Variants in ZNF512B observed in about 807,000 individuals in gnomAD.
The protein encoded by ZNF512B is zinc finger protein 512B.
A neutral mutation model predicts 87.8 loss-of-function variants in ZNF512B; 22 were observed. That is an observed-to-expected ratio of 0.25 (90% CI 0.18 to 0.36). ZNF512B has a LOEUF of 0.36. Among genes scored for constraint, ZNF512B ranks in the 10% least tolerant of loss-of-function variants. The probability of loss-of-function intolerance (pLI) is 1.00; values close to 1 mark genes in which losing one functional copy is unlikely to be tolerated. For synonymous variants in ZNF512B, 524 were observed against 490.9 expected (o/e 1.07, Z -0.89); for missense variants, 1,060 against 1,231.6 (o/e 0.86, Z 2.09).
In ZNF512B at chr20:63,962,731, A is replaced by G. The variant is rs2058867876; in HGVS notation, c.2019T>C (p.Gly673=). Reference sequence around the variant, plus strand: ...CACGCCCGCTTGGGGTCCGCTCCACACCCAGCGGGTCCTCAGCCTCAGGGG... The same window carrying G: ...CACGCCCGCTTGGGGTCCGCTCCACGCCCAGCGGGTCCTCAGCCTCAGGGG... ...DKSPEAEDPL[G]VERTPSGRVR... is the part of the protein sequence containing the mutation. Residue 673 remains glycine, a synonymous_variant, in exon 13 of 17, where the codon GGT becomes GGC. Coordinates refer to ENST00000369888, the MANE Select transcript of ZNF512B (RefSeq NM_020713.3). The G allele has an allele frequency of 6.2e-7, 1 of 1,603,150 alleles. No homozygotes were observed. The highest frequency in any genetic ancestry group is 1.1e-5 in the South Asian group (1 of 89,360).
intron 2 of ZNF512B, 24 bp from the exon 3 acceptor site, chr20:63,967,547 C>T (rs1007698700): frequency 1.3e-6 from 2 of 1,572,646 alleles, no homozygotes; most frequent in African/African-American, 1.4e-5. Flanking sequence ...CACAGCAAGG[C>T]TCGGAAGCTG....
rs1283071001 is a variant in ZNF512B at position 63,961,593 on chromosome 20, G to C, written c.2329-186C>G. Reference sequence around the variant, plus strand: ...GGGGTGGTAGGGGAGAGGAAGGGTAGGGAGAGGCAGGTGCCCAGGGGAAGA... The same window carrying C: ...GGGGTGGTAGGGGAGAGGAAGGGTACGGAGAGGCAGGTGCCCAGGGGAAGA... On this transcript the variant is annotated intron_variant, in intron 15 of 16. Coordinates refer to ENST00000369888, the MANE Select transcript of ZNF512B (RefSeq NM_020713.3). The surrounding 1 kb of genome is among the most constrained non-coding windows in gnomAD (Gnocchi z 6.4). Among the ~76,000 whole-genome samples, 1 of 152,206 alleles carries C rather than the reference G, an allele frequency of 6.6e-6. No homozygotes were observed. The highest frequency in any genetic ancestry group is 2.4e-5 in the African/African-American group (1 of 41,442).
chr20:63,963,446 G>C lies in ZNF512B; in HGVS notation c.1699-6C>G. The C allele has an allele frequency of 6.5e-7, 1 of 1,547,298 alleles. No individual in the cohort carries two copies. Among genetic ancestry groups the C allele is most frequent in the Non-Finnish European group, 8.7e-7 (1 of 1,150,724 alleles). On this transcript the variant is annotated splice_polypyrimidine_tract_variant and splice_region_variant and intron_variant, in intron 10 of 16. Transcript: ENST00000369888. ...GAGGCCTCGGCGTCAGAGGGCTGGG[G>C]ACAGGGTGAGCATCGGTGACCCGGC...
chr20:63,968,392 AG>A (rs1489499247), intron 1 of ZNF512B, among the ~76,000 whole-genome samples: 1 of 152,206 alleles, frequency 6.6e-6, no homozygotes, highest in Non-Finnish European at 1.5e-5. Context: ...ACATTCCTCC[AG>A]GGGCCAATTA....
At position 63,962,292 on chromosome 20, in the gene ZNF512B, T is replaced by C; in HGVS notation, c.2246A>G (p.His749Arg). 3 of 1,612,218 alleles carry C rather than the reference T, an allele frequency of 1.9e-6. No homozygotes were observed. The highest frequency in any genetic ancestry group is 2.5e-6 in the Non-Finnish European group (3 of 1,179,902). Reference protein sequence around the residue: ...AWKNEVKEKGHVNCPNDCCEA... With the variant: ...AWKNEVKEKGRVNCPNDCCEA... The stretch of plus-strand genomic sequence containing the variant: ...GCTCACGTCGTTGGGACAGTTGACG[T>C]GGCCTTTCTCCTTCACTTCATTCTT... Residue 749 changes from histidine (H) to arginine (R), a missense_variant, in exon 14 of 17, where the codon CAC becomes CGC. Around this residue, in one of 9 missense-constraint regions of ZNF512B, gnomAD observed 253 missense variants for 259.2 expected, o/e 0.98. Coordinates refer to ENST00000369888, the MANE Select transcript of ZNF512B (RefSeq NM_020713.3).
rs996157000 is a variant in ZNF512B, at chr20:63,959,663, T to C, written c.*225A>G. On this transcript the variant is annotated 3_prime_UTR_variant, in exon 17 of 17. Coordinates refer to ENST00000369888, the MANE Select transcript of ZNF512B (RefSeq NM_020713.3). ...GCAACCCTCCTGGCTATTGCACTTCTGCTGGGCACACCTTGGGGAGCCCCA... is the reference window on the plus strand; with the variant it reads ...GCAACCCTCCTGGCTATTGCACTTCCGCTGGGCACACCTTGGGGAGCCCCA... The C allele has an allele frequency of 5.0e-6, 3 of 601,994 alleles. No individual in the cohort carries two copies. The Admixed American group carries it at 1.0e-4, about 21-fold the overall frequency. 37.3% of individuals were successfully genotyped at this position (601,994 alleles called of 1,614,324 possible).
intron 16 of ZNF512B, 72 bp from the exon 17 acceptor site, chr20:63,960,211 G>A: frequency 6.3e-7 from 1 of 1,580,858 alleles, no homozygotes. Flanking sequence ...TAGCCTGAGA[G>A]CTGAAGACCT....
chr20:63,963,140 G>C lies in ZNF512B; in HGVS notation c.1923C>G (p.Ser641=). 6.4e-7 allele frequency: 1 copy of C among 1,554,682 alleles called. No homozygotes were observed. The highest frequency in any genetic ancestry group is 8.6e-7 in the Non-Finnish European group (1 of 1,156,776). The change falls in exon 12 of 17, where the codon TCC becomes TCG. Residue 641 remains serine (S), a synonymous_variant. Coordinates refer to ENST00000369888, the MANE Select transcript of ZNF512B (RefSeq NM_020713.3). ...PCTHCGKTYR[S]KAGHDYHVRS... is the part of the protein sequence containing the mutation. ...GCACGTGGTAGTCGTGGCCAGCCTTGGATCGGTACGTCTTGCCACAGTGGG... is the reference window on the plus strand; with the variant it reads ...GCACGTGGTAGTCGTGGCCAGCCTTCGATCGGTACGTCTTGCCACAGTGGG...
rs1379865049 is a variant in ZNF512B at position 63,962,874 on chromosome 20, A to G, written c.1969-93T>C. ...AGGCCACCCTAAGGCCGGTGGACCCACAGGCCTCCCAGTGTGCTGGGGACA... is the reference window on the plus strand; with the variant it reads ...AGGCCACCCTAAGGCCGGTGGACCCGCAGGCCTCCCAGTGTGCTGGGGACA... On this transcript the variant is annotated intron_variant, in intron 12 of 16. Transcript: ENST00000369888. The G allele has an allele frequency of 2.9e-6, 4 of 1,359,384 alleles. No individual in the cohort carries two copies. In the East Asian group the frequency reaches 1.0e-4, roughly 34 times the overall value. The allele number at this position is 1,359,384 out of a possible 1,614,324, so 84.2% of individuals were successfully genotyped here. A position where few individuals can be genotyped will look rare whatever the true frequency, so the allele number is the denominator to read the frequency against.
chr20:63,964,340 G>A lies in ZNF512B; in HGVS notation c.1313C>T (p.Ser438Leu). Reference protein sequence around the residue: ...KKFTGEQPSISGTFGLKGLVK... With the variant: ...KKFTGEQPSILGTFGLKGLVK... ...CTTACCTTTGAGCCCAAAGGTCCCT[G>A]AGATGGATGGCTGCTCCCCTGTAAA... is the stretch of plus-strand genomic sequence containing the variant. Residue 438 changes from serine to leucine, a missense_variant, in exon 7 of 17, where the codon TCA (serine) becomes TTA (leucine). By Grantham distance (145) the Ser-to-Leu change is moderately radical (BLOSUM62 -2). This residue lies in a region of ZNF512B where 212 missense variants were observed against 207.6 expected (regional missense o/e 1.02). Transcript: ENST00000369888. 1 of 1,613,942 alleles carries A rather than the reference G, an allele frequency of 6.2e-7. No individual in the cohort carries two copies. The highest frequency in any genetic ancestry group is 8.5e-7 in the Non-Finnish European group (1 of 1,179,954).
rs1238637817 is a variant in ZNF512B at position 63,957,274 on chromosome 20, C to T, written c.*2614G>A. On this transcript the variant is annotated 3_prime_UTR_variant, in exon 17 of 17. Transcript: ENST00000369888. Reference sequence around the variant, plus strand: ...TCCGGGCCCTTTCCTGTTCTCAGGGCAGGGGGCGTGCGCTGAGCCAGAGGT... The same window carrying T: ...TCCGGGCCCTTTCCTGTTCTCAGGGTAGGGGGCGTGCGCTGAGCCAGAGGT... The T allele has an allele frequency of 1.3e-5, 2 of 152,630 alleles. No individual in the cohort carries two copies. The highest frequency in any genetic ancestry group is 2.9e-5 in the Non-Finnish European group (2 of 68,054). 9.5% of individuals were successfully genotyped at this position (152,630 alleles called of 1,614,324 possible). A position where few individuals can be genotyped will look rare whatever the true frequency, so the allele number is the denominator to read the frequency against.
In ZNF512B at chr20:63,964,391, C is replaced by T; in HGVS notation, c.1262G>A (p.Arg421Lys). Reference protein sequence around the residue: ...PEEDPERTKHRRKQKTPKKFT... With the variant: ...PEEDPERTKHKRKQKTPKKFT... ...CTTTTTGGGTGTTTTCTGTTTCCTTCCTGACTCGGGGAGAGAAAACGGGGG... is the reference window on the plus strand; with the variant it reads ...CTTTTTGGGTGTTTTCTGTTTCCTTTCTGACTCGGGGAGAGAAAACGGGGG... Residue 421 changes from arginine to lysine, a missense_variant and splice_region_variant, in exon 7 of 17, where the codon AGA becomes AAA. Around this residue, in one of 9 missense-constraint regions of ZNF512B, gnomAD observed 212 missense variants for 207.6 expected, o/e 1.02. Coordinates refer to ENST00000369888, the MANE Select transcript of ZNF512B (RefSeq NM_020713.3). 1 of 1,613,856 alleles carries T rather than the reference C, an allele frequency of 6.2e-7. No homozygotes were observed.
Position 63,960,055 on chromosome 20 carries a change from G to C in ZNF512B, c.2512C>G (p.Leu838Val). 6.2e-7 allele frequency: 1 copy of C among 1,614,008 alleles called. No homozygotes were observed. Among genetic ancestry groups the C allele is most frequent in the Non-Finnish European group, 8.5e-7 (1 of 1,180,026 alleles). Residue 838 changes from leucine to valine, a missense_variant, in exon 17 of 17, where the codon CTG becomes GTG. Leu to Val is a conservative substitution (Grantham distance 32). Around this residue, in one of 9 missense-constraint regions of ZNF512B, gnomAD observed 253 missense variants for 259.2 expected, o/e 0.98. Transcript: ENST00000369888. ...LVPKKEKKKN[L>V]AGGKKRGRKP... ...CGGCCCCGCTTCTTTCCACCTGCCA[G>C]ATTTTTCTTCTTTTCCTTCTTGGGC...
In ZNF512B at chr20:63,961,493, T is replaced by G; in HGVS notation, c.2329-86A>C. On this transcript the variant is annotated intron_variant, in intron 15 of 16. Transcript: ENST00000369888. The surrounding 1 kb of genome is among the most constrained non-coding windows in gnomAD (Gnocchi z 6.4). Reference sequence around the variant, plus strand: ...CCTACTCATGGCTAAAGGGTCAGAGTCAGCGGTGGCCCAAGGAAAGCTGTG... The same window carrying G: ...CCTACTCATGGCTAAAGGGTCAGAGGCAGCGGTGGCCCAAGGAAAGCTGTG... 7.7e-7 allele frequency: 1 copy of G among 1,306,652 alleles called. No individual in the cohort carries two copies. Among genetic ancestry groups the G allele is most frequent in the East Asian group, 2.3e-5 (1 of 43,060 alleles). The allele number at this position is 1,306,652 out of a possible 1,614,324, so 80.9% of individuals were successfully genotyped here. A position where few individuals can be genotyped will look rare whatever the true frequency, so the allele number is the denominator to read the frequency against.
At chr20:63,963,754 G>C in intron 9 of ZNF512B, 35 bp downstream of exon 9, 6 of 1,612,986 alleles carry the variant, frequency 3.7e-6, no homozygotes, top group Non-Finnish European at 4.2e-6. Flanking sequence ...GGGCCAGGGC[G>C]CCTCCCTCCC....
chr20:63,963,745 G>A (rs761107348), intron 9 of ZNF512B, 35 bp from the exon 10 acceptor site: 1 of 1,613,102 alleles, frequency 6.2e-7, no homozygotes, highest in South Asian at 1.1e-5. Flanking sequence ...GCCTGCCTGG[G>A]GCCAGGGCGC....
At chr20:63,965,975 TTCC>T (rs1244254091) in intron 5 of ZNF512B, among the ~76,000 whole-genome samples, 163 bp downstream of exon 5, 8 of 50,672 alleles carry the variant, frequency 1.6e-4, no homozygotes, top group African/African-American at 8.0e-4. Flanking sequence ...CTCACCACTG[TTCC>T]TCCCCGACCT....
chr20:63,967,734 G>A (rs1265282191), intron 2 of ZNF512B, 96 bp downstream of exon 2: 38 of 1,542,086 alleles, frequency 2.5e-5, no homozygotes, highest in Non-Finnish European at 3.3e-5. Flanking sequence ...GGGCCTAGCT[G>A]GGTACCTGGA....
At chr20:63,960,370 A>G (rs113623404) in intron 16 of ZNF512B, among the ~76,000 whole-genome samples, 9 of 139,576 alleles carry the variant, frequency 6.4e-5, no homozygotes, top group African/African-American at 5.4e-5. Context: ...GGACCAGGCA[A>G]GCACCTGCAG....
Sources: allele counts gnomAD v4.1 joint callset (sites outside exome capture counted in the v4.1 genomes callset), GRCh38; gene constraint gnomAD v4.1.1; regional missense constraint gnomAD v4.1.1; non-coding constraint Gnocchi (gnomAD v3.1); transcripts MANE v1.5; gene names NCBI Gene and HGNC (gene_info 2026-07-23, HGNC 2026-07-21).